Variants in EYA2 observed in about 807,000 individuals in gnomAD.
EYA2 encodes the protein protein phosphatase EYA2.
EYA2 carries 31 observed loss-of-function variants against 69.2 expected under a neutral mutation model. That is an observed-to-expected ratio of 0.45 (90% CI 0.34 to 0.60). The LOEUF (loss-of-function observed/expected upper bound fraction) is 0.60. Ranked by LOEUF, EYA2 falls within the 20% of genes least tolerant of loss-of-function variation. EYA2 has a pLI of 0.02. For missense variants in EYA2, 622 were observed against 701.2 expected (o/e 0.89, Z 1.28); for synonymous variants, 257 against 279.4 (o/e 0.92, Z 0.80).
At chr20:47,186,229 C>CA (rs1265749398) in intron 15 of EYA2, among the ~76,000 whole-genome samples, 1 of 152,110 alleles carries the variant, frequency 6.6e-6, no homozygotes, top group Non-Finnish European at 1.5e-5. Flanking sequence ...GTGACCTGTA[C>CA]AGAAGGCCCC....
At chr20:47,135,212 CT>C (rs1009736543) in intron 9 of EYA2, among the ~76,000 whole-genome samples, 1 of 149,180 alleles carries the variant, frequency 6.7e-6, no homozygotes. Flanking sequence ...TTCTTCCAGT[CT>C]TTTTTTTAAT....
chr20:47,078,843 G>A (rs1285617992), intron 7 of EYA2, among the ~76,000 whole-genome samples: 1 of 152,090 alleles, frequency 6.6e-6, no homozygotes, highest in African/African-American at 2.4e-5. Flanking sequence ...AATTGGGAAG[G>A]CTCTTCCGTG....
intron 5 of EYA2, among the ~76,000 whole-genome samples, chr20:47,039,459 G>A (rs6066179): frequency 0.93 from 142,052 of 152,268 alleles, 66,447 homozygotes; most frequent in Non-Finnish European, 0.97. Flanking sequence ...CAGAGACCAT[G>A]TGGCCAAAGT....
At chr20:46,927,225 C>G (rs1985452929) in intron 1 of EYA2, among the ~76,000 whole-genome samples, 2 of 152,320 alleles carry the variant, frequency 1.3e-5, no homozygotes, top group Admixed American at 1.3e-4. Context: ...ACAGATGCCC[C>G]TTCCCTCAGT....
chr20:47,093,800 T>G (rs1389977457), intron 8 of EYA2, among the ~76,000 whole-genome samples: 1 of 152,066 alleles, frequency 6.6e-6, no homozygotes, highest in African/African-American at 2.4e-5. Flanking sequence ...CACAAACAGG[T>G]TATATAACAA....
At chr20:47,063,392 CGTGTGT>C (rs35187186) in intron 5 of EYA2, among the ~76,000 whole-genome samples, 5,563 of 143,422 alleles carry the variant, frequency 0.039, 131 homozygotes, top group Non-Finnish European at 0.051. Context: ...TGTGCGTGTG[CGTGTGT>C]GTGTGTGTGT....
chr20:47,067,574 T>C (rs1195019685), intron 5 of EYA2, among the ~76,000 whole-genome samples: 1 of 152,132 alleles, frequency 6.6e-6, no homozygotes, highest in Non-Finnish European at 1.5e-5. Context: ...TATATACACC[T>C]AATATGTACC....
chr20:47,103,899 C>T (rs1348120762), intron 9 of EYA2, among the ~76,000 whole-genome samples: 1 of 152,198 alleles, frequency 6.6e-6, no homozygotes, highest in Non-Finnish European at 1.5e-5. Flanking sequence ...CTGCTATGAA[C>T]ATTGGCATAC....
At chr20:46,971,687 A>G (rs1032023863) in intron 1 of EYA2, among the ~76,000 whole-genome samples, 2 of 152,224 alleles carry the variant, frequency 1.3e-5, no homozygotes, top group Non-Finnish European at 2.9e-5. Flanking sequence ...CAGTGGGACT[A>G]TGGGGAACTT....
chr20:46,921,900 A>T (rs1985197456), intron 1 of EYA2, among the ~76,000 whole-genome samples: 1 of 152,228 alleles, frequency 6.6e-6, no homozygotes. Context: ...CTATAAACTA[A>T]TACAGGTGGT....
In EYA2 at chr20:46,894,940, C is replaced by T. The variant is rs990260861; in HGVS notation, c.-58C>T. The T allele has an allele frequency of 2.0e-5, 3 of 151,340 alleles. No homozygotes were observed. Among genetic ancestry groups the T allele is most frequent in the African/African-American group, 7.3e-5 (3 of 41,336 alleles). 9.4% of individuals were successfully genotyped at this position (151,340 alleles called of 1,614,324 possible). On this transcript the variant is annotated 5_prime_UTR_variant, in exon 1 of 16. Transcript: ENST00000327619. ...CCGGCCTCGTCGGACCCGCACCGGC[C>T]CGCCCGCCCGCCCGCACCGCGTCGG... is the stretch of plus-strand genomic sequence containing the variant.
chr20:47,073,265 G>A (rs2031382522), intron 6 of EYA2, among the ~76,000 whole-genome samples: 1 of 152,188 alleles, frequency 6.6e-6, no homozygotes, highest in Non-Finnish European at 1.5e-5. Context: ...AACAATGACT[G>A]TTGGAGAATT....
intron 10 of EYA2, among the ~76,000 whole-genome samples, chr20:47,159,652 T>C (rs1163885018): frequency 6.6e-6 from 1 of 152,026 alleles, no homozygotes; most frequent in Non-Finnish European, 1.5e-5. Flanking sequence ...GTGTGGGGTG[T>C]ATGGGAACTC....
chr20:46,917,867 T>C (rs1984985976), intron 1 of EYA2, among the ~76,000 whole-genome samples: 1 of 152,166 alleles, frequency 6.6e-6, no homozygotes, highest in Non-Finnish European at 1.5e-5. Context: ...GGGCGGTGGT[T>C]GCTGAAGGCT....
At chr20:46,937,252 A>G (rs2146258494) in intron 1 of EYA2, among the ~76,000 whole-genome samples, 1 of 152,344 alleles carries the variant, frequency 6.6e-6, no homozygotes, top group African/African-American at 2.4e-5. Context: ...TATAATCGTC[A>G]TACATTTTTA....
At position 46,990,043 on chromosome 20, in the gene EYA2, T is replaced by C. The variant is rs545064733; in HGVS notation, c.33T>C (p.Thr11=). ...AACTAGTGATCTCACCCAGCCTCACTGTAAACAGCGATTGTCTGGATAAAC... is the reference window on the plus strand; with the variant it reads ...AACTAGTGATCTCACCCAGCCTCACCGTAAACAGCGATTGTCTGGATAAAC... MVELVISPSL[T]VNSDCLDKLK... Residue 11 remains threonine (T), a synonymous_variant, in exon 2 of 16, where the codon ACT becomes ACC. Transcript: ENST00000327619. 13 of 1,611,824 alleles carry C rather than the reference T, an allele frequency of 8.1e-6. 1 individual carries two copies. The highest frequency in any genetic ancestry group is 1.7e-4 in the Middle Eastern group (1 of 6,060).
intron 5 of EYA2, among the ~76,000 whole-genome samples, chr20:47,060,085 T>G (rs1253671496): frequency 1.3e-5 from 2 of 152,346 alleles, no homozygotes; most frequent in Admixed American, 1.3e-4. Context: ...CCAGAAGCCC[T>G]GGCTACATTA....
At chr20:46,897,645 C>T (rs572264983) in intron 1 of EYA2, among the ~76,000 whole-genome samples, 2 of 152,178 alleles carry the variant, frequency 1.3e-5, no homozygotes, top group South Asian at 4.1e-4. Flanking sequence ...AATCGCAGGC[C>T]GTAATGGTGA....
chr20:47,052,035 A>G (rs1020870920), intron 5 of EYA2, among the ~76,000 whole-genome samples: 3 of 152,206 alleles, frequency 2.0e-5, no homozygotes, highest in Non-Finnish European at 2.9e-5. Flanking sequence ...AGTGCCGAGA[A>G]CAAAACAGAT....
Sources: gnomAD v4.1 joint callset for allele counts (sites outside exome capture counted in the v4.1 genomes callset) on GRCh38, gnomAD v4.1.1 for gene constraint, MANE v1.5 for transcripts, NCBI Gene and HGNC (gene_info 2026-07-23, HGNC 2026-07-21) for gene names.